Variants in PPP6R2 observed in about 807,000 individuals in gnomAD.
PPP6R2 encodes the protein serine/threonine-protein phosphatase 6 regulatory subunit 2.
PPP6R2 carries 62 observed loss-of-function variants against 100.2 expected under a neutral mutation model. The observed-to-expected ratio is 0.62, with a 90% confidence interval of 0.50 to 0.76. PPP6R2 has a LOEUF of 0.76. PPP6R2 is among the 30% of genes least tolerant of loss of function. The pLI is 0.00. For synonymous variants in PPP6R2, 525 were observed against 514.7 expected (o/e 1.02, Z -0.27); for missense variants, 1,142 against 1,276.3 (o/e 0.89, Z 1.60).
chr22:50,392,019 C>T (rs968625907), intron 2 of PPP6R2: 20 of 150,604 alleles, frequency 1.3e-4, no homozygotes, highest in Admixed American at 9.2e-4. Flanking sequence ...CATCCAAGTA[C>T]GTGAGACATC....
intron 3 of PPP6R2, among the ~76,000 whole-genome samples, chr22:50,395,085 A>G (rs1476232026): frequency 6.6e-6 from 1 of 152,188 alleles, no homozygotes; most frequent in Non-Finnish European, 1.5e-5. Context: ...ATAAGGCTGT[A>G]CTGTCAGCAG....
chr22:50,412,351 C>G (rs2059871422), intron 4 of PPP6R2, among the ~76,000 whole-genome samples: 1 of 151,376 alleles, frequency 6.6e-6, no homozygotes, highest in Non-Finnish European at 1.5e-5. Context: ...ACCACCACGT[C>G]TTGCTAATTT....
intron 2 of PPP6R2, among the ~76,000 whole-genome samples, chr22:50,372,562 AC>A (rs1291382505): frequency 1.3e-5 from 2 of 152,006 alleles, no homozygotes; most frequent in African/African-American, 4.8e-5. Flanking sequence ...ACAAAACAAA[AC>A]AAAACAAAAA....
chr22:50,432,781 C>T (rs1376585120), intron 12 of PPP6R2, among the ~76,000 whole-genome samples: 1 of 152,222 alleles, frequency 6.6e-6, no homozygotes, highest in Non-Finnish European at 1.5e-5. Context: ...CATCCCCACC[C>T]GTTTGCTGTC....
rs1258128432 is a variant in PPP6R2 at position 50,444,091 on chromosome 22, C to T, written c.2805C>T (p.Ala935=). The change falls in exon 23 of 24, where the codon GCC becomes GCT. Residue 935 remains alanine, a synonymous_variant. Transcript: ENST00000612753. ...TCACAGCAGCCCCAGCCATGGTGGCCACCCTGGGGACAGTGACAAAGGACG... is the reference window on the plus strand; with the variant it reads ...TCACAGCAGCCCCAGCCATGGTGGCTACCCTGGGGACAGTGACAAAGGACG... ...MAVTAAPAMV[A]TLGTVTKDGK... 1 of 1,612,678 alleles carries T rather than the reference C, an allele frequency of 6.2e-7. No homozygotes were observed. Among genetic ancestry groups the T allele is most frequent in the Non-Finnish European group, 8.5e-7 (1 of 1,179,216 alleles).
rs535824038 is a variant in PPP6R2 at position 50,387,267 on chromosome 22, G to T, written c.-16-6626G>T. Reference sequence around the variant, plus strand: ...TTTTGTAGAGCTGGGGTCTTGCTGTGTTGCCCAGGCTTGTCTTGAACTCTG... The same window carrying T: ...TTTTGTAGAGCTGGGGTCTTGCTGTTTTGCCCAGGCTTGTCTTGAACTCTG... On this transcript the variant is annotated intron_variant, in intron 2 of 23. Transcript: ENST00000612753. 8.6e-4 allele frequency among the ~76,000 whole-genome samples: 131 copies of T among 152,152 alleles called. 1 individual carries two copies. Among genetic ancestry groups the T allele is most frequent in the African/African-American group, 3.1e-3 (127 of 41,504 alleles).
intron 2 of PPP6R2, among the ~76,000 whole-genome samples, chr22:50,372,846 A>C (rs2050568777): frequency 6.6e-6 from 1 of 151,138 alleles, no homozygotes; most frequent in South Asian, 2.1e-4. Context: ...GCACCACCAC[A>C]CCTGGCTAAT....
chr22:50,342,194 G>A (rs2042479477), upstream of PPP6R2, among the ~76,000 whole-genome samples: 1 of 152,204 alleles, frequency 6.6e-6, no homozygotes, highest in South Asian at 2.1e-4. Flanking sequence ...ACCATGGTGA[G>A]GGCAGGAGAA....
At chr22:50,364,074 T>C (rs113972036) in intron 1 of PPP6R2, among the ~76,000 whole-genome samples, 5 of 152,096 alleles carry the variant, frequency 3.3e-5, no homozygotes, top group African/African-American at 1.2e-4. Context: ...TTTTTGTATT[T>C]TTAGTAGAGA....
rs71198247 is a variant in PPP6R2, at chr22:50,424,633, C to CTTTTTTTTTTT, written c.1125+1032_1125+1042dup. ...ACCTACTTTCCTTTTCCCTCTTCTT[C>CTTTTTTTTTTT]TTTTTTTTTTTTTTTTTTTTTTTGA... On this transcript the variant is annotated intron_variant, in intron 10 of 23. Transcript: ENST00000612753. 1.1e-3 allele frequency among the ~76,000 whole-genome samples: 78 copies of CTTTTTTTTTTT among 74,260 alleles called. 1 individual carries two copies. Among genetic ancestry groups the CTTTTTTTTTTT allele is most frequent in the East Asian group, 3.7e-3 (8 of 2,170 alleles). 48.7% of individuals were successfully genotyped at this position (74,260 alleles called of 152,430 possible).
At chr22:50,347,711 C>T (rs1054022881) in intron 1 of PPP6R2, among the ~76,000 whole-genome samples, 1 of 152,118 alleles carries the variant, frequency 6.6e-6, no homozygotes, top group Non-Finnish European at 1.5e-5. Context: ...ACTGTACCCA[C>T]TGATTTTGTT....
chr22:50,391,261 A>G (rs1249495345), intron 2 of PPP6R2, among the ~76,000 whole-genome samples: 2 of 151,352 alleles, frequency 1.3e-5, no homozygotes, highest in Non-Finnish European at 2.9e-5. Flanking sequence ...GTGAAACCCC[A>G]TCTCTACTAA....
At chr22:50,420,505 C>A (rs2061185809) in intron 8 of PPP6R2, among the ~76,000 whole-genome samples, 1 of 152,194 alleles carries the variant, frequency 6.6e-6, no homozygotes, top group African/African-American at 2.4e-5. Context: ...GTGCTGGAGA[C>A]CCTTCTCTGA....
chr22:50,407,101 C>G (rs1603268973), intron 4 of PPP6R2, among the ~76,000 whole-genome samples: 2 of 152,264 alleles, frequency 1.3e-5, no homozygotes, highest in Admixed American at 1.3e-4. Flanking sequence ...AATCCCAGCA[C>G]TTTGGGAGGC....
chr22:50,334,533 G>A, the PPP6R2 span, among the ~76,000 whole-genome samples: 1 of 152,116 alleles, frequency 6.6e-6, no homozygotes, highest in Non-Finnish European at 1.5e-5. Context: ...CGTCGTATAT[G>A]TTTCCTTTAT....
intron 10 of PPP6R2, among the ~76,000 whole-genome samples, chr22:50,425,446 G>A (rs2061961609): frequency 6.6e-6 from 1 of 152,158 alleles, no homozygotes; most frequent in African/African-American, 2.4e-5. Flanking sequence ...GAATAACACT[G>A]CTGTATATGT....
intron 5 of PPP6R2, among the ~76,000 whole-genome samples, chr22:50,415,173 G>A (rs972437201): frequency 7.2e-5 from 11 of 152,242 alleles, no homozygotes; most frequent in African/African-American, 2.2e-4. Flanking sequence ...TACAGTTCCC[G>A]AAAAGAGGAG....
chr22:50,367,930 G>A (rs2049096843), intron 1 of PPP6R2, among the ~76,000 whole-genome samples: 1 of 152,202 alleles, frequency 6.6e-6, no homozygotes, highest in Non-Finnish European at 1.5e-5. Flanking sequence ...CAGGCAAGGG[G>A]GCAGGGTAAG....
intron 1 of PPP6R2, among the ~76,000 whole-genome samples, chr22:50,353,682 C>A (rs2045816141): frequency 1.3e-5 from 2 of 152,006 alleles, no homozygotes; most frequent in African/African-American, 4.8e-5. Context: ...CTGCGAAGCA[C>A]AATGAAGGGA....
Sources: gnomAD v4.1 joint callset for allele counts (sites outside exome capture counted in the v4.1 genomes callset) on GRCh38, gnomAD v4.1.1 for gene constraint, MANE v1.5 for transcripts, NCBI Gene and HGNC (gene_info 2026-07-23, HGNC 2026-07-21) for gene names.